The following SEMA6D variants were observed in gnomAD, a reference collection of about 807,000 sequenced individuals.
The protein encoded by SEMA6D is semaphorin 6D.
Under a neutral mutation model 106.6 loss-of-function variants are expected in SEMA6D, and 35 were observed. The observed-to-expected ratio is 0.33, with a 90% CI of 0.25 to 0.44. The LOEUF (loss-of-function observed/expected upper bound fraction) is 0.44. SEMA6D is among the 20% of genes least tolerant of loss of function. The pLI is 1.00. For synonymous variants in SEMA6D, 499 were observed against 487.7 expected, an observed-to-expected ratio of 1.02 and a Z score of -0.31; for missense variants, 1,185 against 1,345.9, an observed-to-expected ratio of 0.88 and a Z score of 1.87.
chr15:47,321,090 T>C (rs1480810009), intron 1 of SEMA6D, among the ~76,000 whole-genome samples: 1 of 152,222 alleles, frequency 6.6e-6, no homozygotes, highest in Non-Finnish European at 1.5e-5. Flanking sequence ...GCTCTATCTC[T>C]TTATTACTCA....
chr15:47,480,142 G>A (rs1459718435), intron 3 of SEMA6D, among the ~76,000 whole-genome samples: 5 of 151,808 alleles, frequency 3.3e-5, no homozygotes, highest in Admixed American at 1.3e-4. Flanking sequence ...ACAGGCACTA[G>A]CCACCACACC....
At chr15:47,608,098 G>A (rs1596431685) in intron 4 of SEMA6D, among the ~76,000 whole-genome samples, 2 of 152,136 alleles carry the variant, frequency 1.3e-5, no homozygotes, top group Admixed American at 1.3e-4. Flanking sequence ...TCTTTTTGCA[G>A]TCAAGATAAT....
At chr15:47,595,879 C>A (rs1034804547) in intron 3 of SEMA6D, among the ~76,000 whole-genome samples, 2 of 152,004 alleles carry the variant, frequency 1.3e-5, no homozygotes, top group African/African-American at 4.8e-5. Context: ...GGATCAGGAA[C>A]AACATGAAGA....
chr15:47,583,522 C>A (rs960823289), intron 3 of SEMA6D, among the ~76,000 whole-genome samples: 1 of 152,120 alleles, frequency 6.6e-6, no homozygotes, highest in Non-Finnish European at 1.5e-5. Context: ...CCCCAACAGG[C>A]GGTCTCCAGG....
intron 1 of SEMA6D, among the ~76,000 whole-genome samples, chr15:47,365,450 T>G (rs1051428911): frequency 6.6e-6 from 1 of 152,150 alleles, no homozygotes; most frequent in Non-Finnish European, 1.5e-5. Flanking sequence ...AATATCTCTT[T>G]CCCAGATAGA....
chr15:47,382,589 A>G (rs894370173), intron 1 of SEMA6D, among the ~76,000 whole-genome samples: 5 of 150,450 alleles, frequency 3.3e-5, no homozygotes, highest in East Asian at 3.9e-4. Flanking sequence ...CCGCAAACAT[A>G]TATAGAACTG....
At chr15:47,351,325 T>G (rs1020629677) in intron 1 of SEMA6D, among the ~76,000 whole-genome samples, 14 of 152,182 alleles carry the variant, frequency 9.2e-5, no homozygotes, top group African/African-American at 3.1e-4. Flanking sequence ...ATTAATTGAG[T>G]TCTAAAGGTT....
At chr15:47,751,147 G>A (rs1262050705) in intron 1 of SEMA6D, among the ~76,000 whole-genome samples, 1 of 152,168 alleles carries the variant, frequency 6.6e-6, no homozygotes, top group East Asian at 1.9e-4. Flanking sequence ...ATATTCCAAA[G>A]CTTGTGGTGT....
chr15:47,772,062 A>G lies in SEMA6D; in HGVS notation c.*277A>G, dbSNP rs534940229. On this transcript the variant is annotated 3_prime_UTR_variant, in exon 19 of 19. Transcript: ENST00000536845. ...TGTAGCTCACAGGGGCTACCTTACCAGTATAAAGAGCTGATAACAGTACTC... is the reference window on the plus strand; with the variant it reads ...TGTAGCTCACAGGGGCTACCTTACCGGTATAAAGAGCTGATAACAGTACTC... The G allele has an allele frequency of 3.1e-5, 13 of 419,100 alleles. No individual in the cohort carries two copies. The highest frequency in any genetic ancestry group is 1.8e-4 in the African/African-American group (9 of 51,160). The allele number at this position is 419,100 out of a possible 1,614,324, so 26.0% of individuals were successfully genotyped here.
chr15:47,235,034 G>A (rs1310135456), intron 1 of SEMA6D, among the ~76,000 whole-genome samples: 2 of 151,870 alleles, frequency 1.3e-5, no homozygotes, highest in South Asian at 2.1e-4. Context: ...TTTAATAATG[G>A]CCATTCTGAT....
At chr15:47,679,435 C>T (rs1356796474) in intron 4 of SEMA6D, among the ~76,000 whole-genome samples, 1 of 152,098 alleles carries the variant, frequency 6.6e-6, no homozygotes, top group Non-Finnish European at 1.5e-5. Context: ...CTTCTTTGGC[C>T]TTGGTTCTTT....
chr15:47,435,265 A>G (rs2041665331), intron 2 of SEMA6D, among the ~76,000 whole-genome samples: 1 of 152,116 alleles, frequency 6.6e-6, no homozygotes, highest in African/African-American at 2.4e-5. Context: ...TGAGGTTGCT[A>G]TTGTAAAAGC....
In SEMA6D at chr15:47,763,970, T is replaced by C; in HGVS notation, c.868T>C (p.Ser290Pro). The C allele has an allele frequency of 6.2e-7, 1 of 1,614,002 alleles. No individual in the cohort carries two copies. Among genetic ancestry groups the C allele is most frequent in the Non-Finnish European group, 8.5e-7 (1 of 1,179,882 alleles). Residue 290 changes from serine to proline, a missense_variant, in exon 10 of 19, where the codon TCG becomes CCG. Ser to Pro is a moderately conservative substitution (Grantham distance 74). This residue lies in a region of SEMA6D where 291 missense variants were observed against 423.8 expected (regional missense o/e 0.69). Transcript: ENST00000536845. ...ARLNCSVPGD[S>P]FFYFDVLQSI... The stretch of plus-strand genomic sequence containing the variant: ...GCTGAACTGTTCTGTCCCTGGAGAT[T>C]CGTTTTTCTACTTTGATGTTCTGCA...
intron 1 of SEMA6D, among the ~76,000 whole-genome samples, chr15:47,204,117 T>C (rs1010052438): frequency 1.3e-5 from 2 of 152,164 alleles, no homozygotes; most frequent in African/African-American, 2.4e-5. Context: ...TCTATTCTTA[T>C]AGGTGGCCAT....
intron 1 of SEMA6D, among the ~76,000 whole-genome samples, chr15:47,379,265 G>A (rs1454792158): frequency 6.6e-6 from 1 of 152,186 alleles, no homozygotes; most frequent in Non-Finnish European, 1.5e-5. Context: ...TCAAAACTGG[G>A]ATTTGAAAGG....
intron 1 of SEMA6D, among the ~76,000 whole-genome samples, chr15:47,354,602 C>T (rs28712483): frequency 6.6e-6 from 1 of 150,548 alleles, no homozygotes; most frequent in Non-Finnish European, 1.5e-5. Flanking sequence ...TGTATATATA[C>T]ACATATGTAC....
intron 3 of SEMA6D, among the ~76,000 whole-genome samples, chr15:47,542,471 T>G (rs2045385133): frequency 6.6e-6 from 1 of 152,168 alleles, no homozygotes; most frequent in South Asian, 2.1e-4. Context: ...TGAAGCTACT[T>G]GTTTGGCCTG....
At chr15:47,711,177 G>C (rs12442324) in intron 4 of SEMA6D, among the ~76,000 whole-genome samples, 1 of 150,672 alleles carries the variant, frequency 6.6e-6, no homozygotes, top group Non-Finnish European at 1.5e-5. Flanking sequence ...GGGCGTAGTG[G>C]CGGGCGCCTG....
At chr15:47,494,120 C>T (rs1453237543) in intron 3 of SEMA6D, among the ~76,000 whole-genome samples, 1 of 152,070 alleles carries the variant, frequency 6.6e-6, no homozygotes, top group Admixed American at 6.6e-5. Flanking sequence ...CTGGTTCACG[C>T]CTGTCTACAG....
Sources: allele counts gnomAD v4.1 joint callset (sites outside exome capture counted in the v4.1 genomes callset), GRCh38; gene constraint gnomAD v4.1.1; regional missense constraint gnomAD v4.1.1; transcripts MANE v1.5; gene names NCBI Gene and HGNC (gene_info 2026-07-23, HGNC 2026-07-21).